The following VPS16 variants were observed in gnomAD, a reference collection of about 807,000 sequenced individuals.
VPS16 encodes vacuolar protein sorting-associated protein 16 homolog.
A neutral mutation model predicts 116.0 loss-of-function variants in VPS16; 82 were observed. The ratio of observed to expected loss-of-function variants is 0.71; its 90% CI spans 0.59 to 0.85. VPS16 has a LOEUF of 0.85. Ranked by LOEUF, VPS16 falls within the 40% of genes least tolerant of loss-of-function variation. VPS16 has a pLI of 0.00. For synonymous variants in VPS16, 406 were observed against 420.7 expected, an observed-to-expected ratio of 0.96 and a Z score of 0.43; for missense variants, 928 against 1,090.6, an observed-to-expected ratio of 0.85 and a Z score of 2.10.
chr20:2,857,589 A>C (rs1442129438), intron 1 of VPS16, among the ~76,000 whole-genome samples: 1 of 151,898 alleles, frequency 6.6e-6, no homozygotes, highest in Non-Finnish European at 1.5e-5. Context: ...GGCTCACTGC[A>C]ACCTCTGCCT....
intron 23 of VPS16, 56 bp from the exon 24 acceptor site, chr20:2,866,374 A>G: frequency 1.2e-6 from 2 of 1,614,056 alleles, no homozygotes; most frequent in Non-Finnish European, 1.7e-6. Flanking sequence ...GGTGAGAGGC[A>G]GGGTTTGTGC....
At position 2,864,908 on chromosome 20, in the gene VPS16, CTG is replaced by C. The variant is rs1301958303; in HGVS notation, c.1927-68_1927-67del. The C allele has an allele frequency of 6.9e-6, 11 of 1,600,194 alleles. No homozygotes were observed. Among genetic ancestry groups the C allele is most frequent in the East Asian group, 2.2e-5 (1 of 44,806 alleles). On this transcript the variant is annotated intron_variant, in intron 19 of 23. Coordinates refer to ENST00000380445, the MANE Select transcript of VPS16 (RefSeq NM_022575.4). This position sits in a 1 kb window ranked among gnomAD's most constrained non-coding sequence, Gnocchi z 5.2. ...CTGGGCACAGGGATGGGGGAGAAGA[CTG>C]TAGCCTGGGTGAGGAGGGCGAGGGT...
chr20:2,854,494 A>G (rs2089152975), intron 1 of VPS16, among the ~76,000 whole-genome samples: 1 of 152,014 alleles, frequency 6.6e-6, no homozygotes, highest in South Asian at 2.1e-4. Flanking sequence ...TATTTCTTAT[A>G]TAAGACTTGA....
At position 2,863,932 on chromosome 20, in the gene VPS16, C is replaced by T. The variant is rs1428611800; in HGVS notation, c.1477-17C>T. 6.2e-7 allele frequency: 1 copy of T among 1,611,652 alleles called. No homozygotes were observed. The highest frequency in any genetic ancestry group is 1.1e-5 in the South Asian group (1 of 90,850). On this transcript the variant is annotated splice_polypyrimidine_tract_variant and intron_variant, in intron 15 of 23. Coordinates refer to ENST00000380445, the MANE Select transcript of VPS16 (RefSeq NM_022575.4). This position sits in a 1 kb window ranked among gnomAD's most constrained non-coding sequence, Gnocchi z 4.4. ...GAATGGCATCCAGATGTTTGTGACA[C>T]CCCGCATCCCTTGCAGGTGCAACAG...
chr20:2,841,128 A>T, intron 1 of VPS16: 1 of 467,532 alleles, frequency 2.1e-6, no homozygotes, highest in Non-Finnish European at 3.8e-6. Flanking sequence ...GCGAGTGCCC[A>T]GTCTCCTGCC....
chr20:2,857,103 G>A (rs1482654831), intron 1 of VPS16, among the ~76,000 whole-genome samples: 1 of 151,752 alleles, frequency 6.6e-6, no homozygotes, highest in East Asian at 1.9e-4. Flanking sequence ...TCAGCCTCCT[G>A]ACTAGCTGGG....
intron 2 of VPS16, 85 bp downstream of exon 2, chr20:2,859,892 G>A (rs1381777859): frequency 1.3e-6 from 2 of 1,509,754 alleles, no homozygotes; most frequent in Non-Finnish European, 1.8e-6. Flanking sequence ...CTGTCAGGTT[G>A]TTCTTGTTGC....
intron 1 of VPS16, among the ~76,000 whole-genome samples, chr20:2,846,588 C>G (rs971707881): frequency 1.6e-4 from 24 of 152,132 alleles, no homozygotes; most frequent in African/African-American, 5.8e-4. Flanking sequence ...AGGCTGGAAA[C>G]AAGGGATTTC....
In VPS16 at chr20:2,861,722, C is replaced by T. The variant is rs745557621; in HGVS notation, c.899+18C>T. The T allele has an allele frequency of 5.6e-6, 9 of 1,612,168 alleles. No individual in the cohort carries two copies. The highest frequency in any genetic ancestry group is 7.6e-6 in the Non-Finnish European group (9 of 1,179,388). ...AGCATCCAGTATCCTTGGAGGGCTG[C>T]CTGTGTGTGGAGAGAGGGGAGGGGA... On this transcript the variant is annotated intron_variant, in intron 9 of 23. Transcript: ENST00000380445.
intron 1 of VPS16, among the ~76,000 whole-genome samples, chr20:2,859,045 T>A (rs564204274): frequency 6.6e-6 from 1 of 152,256 alleles, no homozygotes; most frequent in South Asian, 2.1e-4. Flanking sequence ...ACATCTGTAA[T>A]ACCAGCACTT....
intron 1 of VPS16, among the ~76,000 whole-genome samples, chr20:2,850,819 A>C (rs962644786): frequency 2.0e-5 from 3 of 151,444 alleles, no homozygotes; most frequent in Non-Finnish European, 4.4e-5. Context: ...AAAAAACAAA[A>C]AAAACAGCTG....
chr20:2,860,183 G>A lies in VPS16; in HGVS notation c.240+32G>A. ...ACTTCTGATGGTCCCTGGGGCTCAG[G>A]GCTGGACAGGGTTTCCTCACCTGAG... On this transcript the variant is annotated intron_variant, in intron 3 of 23. Transcript: ENST00000380445. The surrounding 1 kb of genome is among the most constrained non-coding windows in gnomAD (Gnocchi z 6.1). The A allele has an allele frequency of 6.2e-7, 1 of 1,613,986 alleles. No homozygotes were observed. The highest frequency in any genetic ancestry group is 8.5e-7 in the Non-Finnish European group (1 of 1,180,006).
rs1249917985 is a variant in VPS16, at chr20:2,866,601, A to T, written c.*27A>T. ...GAGTCCATCCTGTACATCTCAAGCA[A>T]GGGGTTCCTCCCCTAGCACCTGGGC... On this transcript the variant is annotated 3_prime_UTR_variant, in exon 24 of 24. Coordinates refer to ENST00000380445, the MANE Select transcript of VPS16 (RefSeq NM_022575.4). 1 of 1,612,372 alleles carries T rather than the reference A, an allele frequency of 6.2e-7. No homozygotes were observed. The highest frequency in any genetic ancestry group is 1.7e-5 in the Admixed American group (1 of 59,948).
At position 2,849,323 on chromosome 20, in the gene VPS16, G is replaced by A. The variant is rs6138909; in HGVS notation, c.53+8496G>A. Among the ~76,000 whole-genome samples the A allele has an allele frequency of 3.8e-3, 548 of 144,962 alleles. 11 individuals are homozygous for A. The East Asian group carries it at 0.049, about 13-fold the overall frequency. On this transcript the variant is annotated intron_variant, in intron 1 of 23. Transcript: ENST00000380445. ...TTCTTTTTTTTTTTTTTTTTGAGGC[G>A]GAGTTTTGCTCTTATTGTCCAGACT...
chr20:2,858,072 G>A (rs529915984), intron 1 of VPS16, among the ~76,000 whole-genome samples: 4 of 149,536 alleles, frequency 2.7e-5, no homozygotes, highest in East Asian at 2.0e-4. Flanking sequence ...TGAGAGTCTC[G>A]TATTCATTGT....
chr20:2,850,720 T>C (rs892648048), intron 1 of VPS16, among the ~76,000 whole-genome samples: 1 of 151,336 alleles, frequency 6.6e-6, no homozygotes, highest in East Asian at 2.0e-4. Context: ...GTAATCCCAA[T>C]ACTTTGGGAG....
chr20:2,847,033 TG>T (rs1230483605), intron 1 of VPS16, among the ~76,000 whole-genome samples: 3 of 152,318 alleles, frequency 2.0e-5, no homozygotes, highest in Admixed American at 1.3e-4. Context: ...TAGGCTTTTC[TG>T]AGAAGCTGCT....
In VPS16 at chr20:2,865,192, A is replaced by C; in HGVS notation, c.2049A>C (p.Leu683=). ...QMRLLRLQRR[L]EDELGGQFLD... ...GGCTCCTACGGCTGCAGCGGCGCCT[A>C]GAAGACGAGCTGGGGGGCCAGTTCC... The change falls in exon 21 of 24, where the codon CTA becomes CTC. Residue 683 remains leucine (L), a synonymous_variant. Transcript: ENST00000380445. This position sits in a 1 kb window ranked among gnomAD's most constrained non-coding sequence, Gnocchi z 5.2. 6.2e-7 allele frequency: 1 copy of C among 1,614,126 alleles called. No homozygotes were observed. Among genetic ancestry groups the C allele is most frequent in the South Asian group, 1.1e-5 (1 of 91,084 alleles).
chr20:2,865,027 A>G lies in VPS16; in HGVS notation c.1976A>G (p.Tyr659Cys). 6.2e-7 allele frequency: 1 copy of G among 1,614,174 alleles called. No individual in the cohort carries two copies. The change falls in exon 20 of 24, where the codon TAC becomes TGC. Residue 659 changes from tyrosine (Y) to cysteine (C), a missense_variant. By Grantham distance (194) the Tyr-to-Cys change is radical. Transcript: ENST00000380445. This position sits in a 1 kb window ranked among gnomAD's most constrained non-coding sequence, Gnocchi z 5.2. ...CTGCAGACAGCCGCCGATGCCTTCT[A>G]CAAGGCCAAGAATGAGTTTGCAGCC... ...AALQTAADAF[Y>C]KAKNEFAAKA...
Sources: gnomAD v4.1 joint callset for allele counts (sites outside exome capture counted in the v4.1 genomes callset) on GRCh38, gnomAD v4.1.1 for gene constraint, Gnocchi (gnomAD v3.1) non-coding constraint, MANE v1.5 for transcripts, NCBI Gene and HGNC (gene_info 2026-07-23, HGNC 2026-07-21) for gene names.